Variants in TAX1BP1 observed in about 807,000 individuals in gnomAD.
TAX1BP1 encodes the protein tax1-binding protein 1.
A neutral mutation model predicts 97.7 loss-of-function variants in TAX1BP1; 62 were observed. The ratio of observed to expected loss-of-function variants is 0.63; its 90% CI spans 0.52 to 0.78. The LOEUF (loss-of-function observed/expected upper bound fraction) is 0.78. Among genes scored for constraint, TAX1BP1 ranks in the 30% least tolerant of loss-of-function variants. The pLI is 0.00. For synonymous variants in TAX1BP1, 340 were observed against 304.2 expected, an observed-to-expected ratio of 1.12 and a Z score of -1.23; for missense variants, 867 against 916.1, an observed-to-expected ratio of 0.95 and a Z score of 0.69.
chr7:27,741,723 G>GA lies in TAX1BP1; in HGVS notation c.-8+1458dup, dbSNP rs200822598. ...CTCGTTAGGTGGAATGAGAGACTTGGAAAAGAAAAAGACACAAAGTACAGA... is the reference window on the plus strand; with the variant it reads ...CTCGTTAGGTGGAATGAGAGACTTGGAAAAAGAAAAAGACACAAAGTACAGA... On this transcript the variant is annotated intron_variant, in intron 1 of 16. Coordinates refer to ENST00000396319, the MANE Select transcript of TAX1BP1 (RefSeq NM_006024.7). Among the ~76,000 whole-genome samples, 1,454 of 152,136 alleles carry GA rather than the reference G, an allele frequency of 9.6e-3. 11 individuals are homozygous for GA. Among genetic ancestry groups the GA allele is most frequent in the Middle Eastern group, 0.017 (5 of 294 alleles).
At chr7:27,752,781 G>C (rs1266591245) in intron 2 of TAX1BP1, among the ~76,000 whole-genome samples, 5 of 152,192 alleles carry the variant, frequency 3.3e-5, no homozygotes, top group Admixed American at 2.0e-4. Flanking sequence ...ACAGATGAGG[G>C]AACTGAGGTT....
chr7:27,777,950 G>T (rs1789097382), intron 5 of TAX1BP1, among the ~76,000 whole-genome samples: 1 of 152,052 alleles, frequency 6.6e-6, no homozygotes, highest in Non-Finnish European at 1.5e-5. Context: ...ACTTTATCTT[G>T]GCACGATTTT....
intron 5 of TAX1BP1, among the ~76,000 whole-genome samples, chr7:27,779,781 G>A (rs1455067634): frequency 6.6e-6 from 1 of 151,970 alleles, no homozygotes; most frequent in Non-Finnish European, 1.5e-5. Flanking sequence ...ATTATTCGGG[G>A]GCCTTGTTAC....
intron 13 of TAX1BP1, among the ~76,000 whole-genome samples, chr7:27,809,848 T>C (rs185635054): frequency 6.6e-6 from 1 of 152,164 alleles, no homozygotes; most frequent in Non-Finnish European, 1.5e-5. Context: ...ATTTAAACTC[T>C]ACTTCTTTAA....
intron 1 of TAX1BP1, among the ~76,000 whole-genome samples, 169 bp from the exon 2 acceptor site, chr7:27,748,349 T>G (rs975953840): frequency 2.0e-5 from 3 of 152,224 alleles, no homozygotes; most frequent in Admixed American, 1.3e-4. Context: ...TTGTCTGTAT[T>G]TTTATATTTA....
intron 16 of TAX1BP1, 98 bp from the exon 17 acceptor site, chr7:27,828,530 A>G (rs922926341): frequency 2.4e-5 from 27 of 1,126,392 alleles, no homozygotes; most frequent in African/African-American, 7.8e-5. Flanking sequence ...TTTAGTATGA[A>G]TATCAGCTAA....
intron 15 of TAX1BP1, among the ~76,000 whole-genome samples, chr7:27,824,196 A>G (rs967997027): frequency 6.6e-6 from 1 of 152,086 alleles, no homozygotes; most frequent in African/African-American, 2.4e-5. Context: ...AGGAACTACC[A>G]TGTATGATCA....
In TAX1BP1 at chr7:27,770,440, G is replaced by C. The variant is rs982700802; in HGVS notation, c.612+606G>C. Among the ~76,000 whole-genome samples, 34 of 152,140 alleles carry C rather than the reference G, an allele frequency of 2.2e-4. 1 individual carries two copies. Among genetic ancestry groups the C allele is most frequent in the Admixed American group, 2.0e-3 (31 of 15,260 alleles). On this transcript the variant is annotated intron_variant, in intron 5 of 16. Transcript: ENST00000396319. ...AAAACAGTTATCTAGTCATTGACTT[G>C]TTTATTTAATATTTTCACAAGAAAA...
chr7:27,765,854 G>A lies in TAX1BP1; in HGVS notation c.286G>A (p.Asp96Asn). The change falls in exon 4 of 17, where the codon GAT (aspartate) becomes AAT (asparagine). Residue 96 changes from aspartate to asparagine, a missense_variant. Physicochemically the swap from Asp to Asn is conservative, Grantham distance 23. This residue lies in a region of TAX1BP1 where 822 missense variants were observed against 851.4 expected (regional missense o/e 0.97). Coordinates refer to ENST00000396319, the MANE Select transcript of TAX1BP1 (RefSeq NM_006024.7). ...AFQGYYLPND[D>N]GEFYQFCYVT... ...CTTAGGATATTACCTTCCAAATGAT[G>A]ATGGAGAATTTTATCAGTTCTGTTA... is the stretch of plus-strand genomic sequence containing the variant. 1 of 1,613,672 alleles carries A rather than the reference G, an allele frequency of 6.2e-7. No homozygotes were observed. Among genetic ancestry groups the A allele is most frequent in the Non-Finnish European group, 8.5e-7 (1 of 1,179,670 alleles).
intron 5 of TAX1BP1, among the ~76,000 whole-genome samples, chr7:27,773,907 G>C (rs546231073): frequency 1.3e-5 from 2 of 152,084 alleles, no homozygotes; most frequent in South Asian, 4.1e-4. Flanking sequence ...TTTTTTTGGA[G>C]CCTAAACTAT....
chr7:27,769,889 A>G lies in TAX1BP1; in HGVS notation c.612+55A>G. On this transcript the variant is annotated intron_variant, in intron 5 of 16. Transcript: ENST00000396319. ...GTTGATAGTATATTGCCTGAAACCCACCTTTTTAAAGAGCTGAACCAATTA... is the reference window on the plus strand; with the variant it reads ...GTTGATAGTATATTGCCTGAAACCCGCCTTTTTAAAGAGCTGAACCAATTA... The G allele has an allele frequency of 2.6e-6, 4 of 1,555,010 alleles. No homozygotes were observed. In the South Asian group the frequency reaches 4.7e-5, roughly 18 times the overall value.
At chr7:27,771,196 A>G (rs1005124598) in intron 5 of TAX1BP1, among the ~76,000 whole-genome samples, 5 of 127,742 alleles carry the variant, frequency 3.9e-5, no homozygotes, top group African/African-American at 1.2e-4. Flanking sequence ...CATTCTTCAC[A>G]TATTTTTCTC....
intron 2 of TAX1BP1, among the ~76,000 whole-genome samples, chr7:27,753,083 T>C (rs1788081447): frequency 6.6e-6 from 1 of 152,130 alleles, no homozygotes; most frequent in Non-Finnish European, 1.5e-5. Context: ...GCAGATCACT[T>C]CAGGTCAGGA....
chr7:27,826,505 T>C (rs1244750136), intron 15 of TAX1BP1, among the ~76,000 whole-genome samples: 1 of 151,136 alleles, frequency 6.6e-6, no homozygotes, highest in African/African-American at 2.4e-5. Flanking sequence ...CAAGCATGCC[T>C]ACCCAGTAAC....
rs201587778 is a variant in TAX1BP1 at position 27,765,949 on chromosome 7, A to C, written c.381A>C (p.Glu127Asp). ...PFQFRASSPV[E>D]ELLTMEDEGN... Reference sequence around the variant, plus strand: ...AGTTTCGAGCTTCTTCTCCAGTTGAAGAGCTGCTTACTATGGAAGATGAAG... The same window carrying C: ...AGTTTCGAGCTTCTTCTCCAGTTGACGAGCTGCTTACTATGGAAGATGAAG... The change falls in exon 4 of 17, where the codon GAA becomes GAC. Residue 127 changes from glutamate to aspartate, a missense_variant. Transcript: ENST00000396319. The C allele has an allele frequency of 4.0e-5, 64 of 1,614,000 alleles. No homozygotes were observed. The highest frequency in any genetic ancestry group is 8.5e-7 in the Non-Finnish European group (1 of 1,179,964).
At chr7:27,776,946 A>AT (rs767870261) in intron 5 of TAX1BP1, among the ~76,000 whole-genome samples, 32 of 151,118 alleles carry the variant, frequency 2.1e-4, no homozygotes, top group Non-Finnish European at 4.1e-4. Flanking sequence ...GTATATATAT[A>AT]TTTTTTATCT....
Position 27,787,455 on chromosome 7 carries a change from T to A in TAX1BP1, c.890T>A (p.Leu297His). The change falls in exon 8 of 17, where the codon CTT becomes CAT. Residue 297 changes from leucine to histidine, a missense_variant. Leu to His is a moderately conservative substitution (Grantham distance 99, BLOSUM62 -3). Transcript: ENST00000396319. ...AATACAGAAATAGAAAATACCAAGC[T>A]TATGTCAGAGGTCCAGACTTTAAAA... Reference protein sequence around the residue: ...LKNTEIENTKLMSEVQTLKNL... With the variant: ...LKNTEIENTKHMSEVQTLKNL... The A allele has an allele frequency of 6.2e-7, 1 of 1,611,474 alleles. No homozygotes were observed. The highest frequency in any genetic ancestry group is 8.5e-7 in the Non-Finnish European group (1 of 1,179,054).
intron 8 of TAX1BP1, among the ~76,000 whole-genome samples, chr7:27,789,786 G>A (rs886780287): frequency 2.6e-5 from 4 of 151,872 alleles, no homozygotes; most frequent in African/African-American, 4.8e-5. Context: ...CGTCAGAAGC[G>A]CATGACATTT....
At chr7:27,817,689 A>G (rs1356649942) in intron 15 of TAX1BP1, among the ~76,000 whole-genome samples, 4 of 152,174 alleles carry the variant, frequency 2.6e-5, no homozygotes, top group South Asian at 2.1e-4. Flanking sequence ...TCAATATTTA[A>G]TGAATAGGTT....
Sources: allele counts gnomAD v4.1 joint callset (sites outside exome capture counted in the v4.1 genomes callset), GRCh38; gene constraint gnomAD v4.1.1; regional missense constraint gnomAD v4.1.1; transcripts MANE v1.5; gene names NCBI Gene and HGNC (gene_info 2026-07-23, HGNC 2026-07-21).